Variants in OSBPL11 observed in about 807,000 individuals in gnomAD.
The protein encoded by OSBPL11 is oxysterol binding protein like 11.
Under a neutral mutation model 84.4 loss-of-function variants are expected in OSBPL11, and 33 were observed. The observed-to-expected ratio is 0.39, with a 90% CI of 0.30 to 0.52. The LOEUF is 0.52. OSBPL11 is among the 20% of genes least tolerant of loss of function. The pLI is 0.72. For synonymous variants in OSBPL11, 276 were observed against 310.2 expected (o/e 0.89, Z 1.16); for missense variants, 736 against 901.1 (o/e 0.82, Z 2.35).
At chr3:125,591,745 G>A (rs893405723) in intron 1 of OSBPL11, among the ~76,000 whole-genome samples, 2 of 152,168 alleles carry the variant, frequency 1.3e-5, no homozygotes, top group Non-Finnish European at 2.9e-5. Context: ...TGCAGTAGTA[G>A]ATACACTATC....
At chr3:125,542,001 A>C (rs980427191) in intron 10 of OSBPL11, among the ~76,000 whole-genome samples, 4 of 152,240 alleles carry the variant, frequency 2.6e-5, no homozygotes, top group African/African-American at 9.6e-5. Flanking sequence ...ACTTGACCTG[A>C]GGTCTGACAT....
At chr3:125,577,694 TG>T (rs1442697878) in intron 4 of OSBPL11, among the ~76,000 whole-genome samples, 1 of 152,106 alleles carries the variant, frequency 6.6e-6, no homozygotes, top group Non-Finnish European at 1.5e-5. Flanking sequence ...CCGGGCGTGG[TG>T]GCAGGTGCCT....
chr3:125,539,316 T>C lies in OSBPL11; in HGVS notation c.1842-683A>G, dbSNP rs1369797952. On this transcript the variant is annotated intron_variant, in intron 10 of 12. Coordinates refer to ENST00000296220, the MANE Select transcript of OSBPL11 (RefSeq NM_022776.5). ...CACCACAGCCATATATATATATATA[T>C]ATATATATATATATATATATATATA... Among the ~76,000 whole-genome samples the C allele has an allele frequency of 2.7e-4, 31 of 116,972 alleles. 1 individual carries two copies. The highest frequency in any genetic ancestry group is 2.4e-3 in the Admixed American group (31 of 12,672). 76.7% of individuals were successfully genotyped at this position (116,972 alleles called of 152,430 possible).
At chr3:125,541,958 C>T (rs1413825309) in intron 10 of OSBPL11, among the ~76,000 whole-genome samples, 2 of 152,170 alleles carry the variant, frequency 1.3e-5, no homozygotes, top group African/African-American at 2.4e-5. Flanking sequence ...CCGGTTCTTC[C>T]CAATACTTCT....
At position 125,546,927 on chromosome 3, in the gene OSBPL11, T is replaced by C. The variant is rs771621025; in HGVS notation, c.1841+479A>G. On this transcript the variant is annotated intron_variant, in intron 10 of 12. Coordinates refer to ENST00000296220, the MANE Select transcript of OSBPL11 (RefSeq NM_022776.5). Reference sequence around the variant, plus strand: ...AAAAAAAAAAAATGCATCAATATCATTGACAATAAGAAGTACTGGATCTAG... The same window carrying C: ...AAAAAAAAAAAATGCATCAATATCACTGACAATAAGAAGTACTGGATCTAG... 4.5e-4 allele frequency among the ~76,000 whole-genome samples: 68 copies of C among 152,082 alleles called. 1 individual carries two copies. Among genetic ancestry groups the C allele is most frequent in the African/African-American group, 4.1e-4 (17 of 41,416 alleles).
rs1383398744 is a variant in OSBPL11 at position 125,528,953 on chromosome 3, T to C, written c.*1562A>G. On this transcript the variant is annotated 3_prime_UTR_variant, in exon 13 of 13. Transcript: ENST00000296220. Reference sequence around the variant, plus strand: ...TTTTCAGTGCATTTCACAGCAAAAATGAACAAGGGAATCATTAAAATTGTT... The same window carrying C: ...TTTTCAGTGCATTTCACAGCAAAAACGAACAAGGGAATCATTAAAATTGTT... 3 of 152,646 alleles carry C rather than the reference T, an allele frequency of 2.0e-5. No homozygotes were observed. In the East Asian group the frequency reaches 5.8e-4, roughly 29 times the overall value. The allele number at this position is 152,646 out of a possible 1,614,324, so 9.5% of individuals were successfully genotyped here.
chr3:125,595,065 A>C lies in OSBPL11; in HGVS notation c.-265T>G. On this transcript the variant is annotated 5_prime_UTR_variant, in exon 1 of 13. Coordinates refer to ENST00000296220, the MANE Select transcript of OSBPL11 (RefSeq NM_022776.5). Reference sequence around the variant, plus strand: ...CTTTCCGGCAAAAGCAAGGAGGAAAAAGCATCCGGCGAGAAGACTTAAGTG... The same window carrying C: ...CTTTCCGGCAAAAGCAAGGAGGAAACAGCATCCGGCGAGAAGACTTAAGTG... The C allele has an allele frequency of 2.6e-6, 1 of 381,882 alleles. No homozygotes were observed. Among genetic ancestry groups the C allele is most frequent in the Non-Finnish European group, 4.8e-6 (1 of 208,086 alleles). The allele number at this position is 381,882 out of a possible 1,614,324, so 23.7% of individuals were successfully genotyped here.
intron 5 of OSBPL11, among the ~76,000 whole-genome samples, chr3:125,574,608 A>T (rs1936292847): frequency 6.6e-6 from 1 of 152,086 alleles, no homozygotes; most frequent in Non-Finnish European, 1.5e-5. Flanking sequence ...TGAGGTTATC[A>T]ATTAAAAAAA....
chr3:125,564,220 T>C (rs1439166930), intron 6 of OSBPL11, among the ~76,000 whole-genome samples: 4 of 152,122 alleles, frequency 2.6e-5, no homozygotes, highest in East Asian at 1.9e-4. Context: ...ACAGGAGGAG[T>C]CTGGGACTGT....
At chr3:125,574,535 A>G (rs1936291946) in intron 5 of OSBPL11, among the ~76,000 whole-genome samples, 1 of 151,534 alleles carries the variant, frequency 6.6e-6, no homozygotes, top group South Asian at 2.1e-4. Context: ...AGAATGACAG[A>G]AAGAAACTAT....
chr3:125,580,429 G>A (rs1156672075), intron 2 of OSBPL11, among the ~76,000 whole-genome samples: 1 of 144,088 alleles, frequency 6.9e-6, no homozygotes, highest in Non-Finnish European at 1.5e-5. Flanking sequence ...CAGGAAAATC[G>A]CTTGAATCTG....
chr3:125,531,567 A>T (rs1278367961), intron 12 of OSBPL11, among the ~76,000 whole-genome samples: 2 of 152,096 alleles, frequency 1.3e-5, no homozygotes, highest in Non-Finnish European at 2.9e-5. Flanking sequence ...CTGGGATTAC[A>T]GGCATGAGCC....
chr3:125,594,067 G>A (rs1936643601), intron 1 of OSBPL11, among the ~76,000 whole-genome samples: 1 of 152,216 alleles, frequency 6.6e-6, no homozygotes, highest in South Asian at 2.1e-4. Flanking sequence ...AGTGGCCTGA[G>A]CAACGCAAAC....
At chr3:125,583,489 G>C (rs1374497326) in intron 1 of OSBPL11, among the ~76,000 whole-genome samples, 1 of 147,918 alleles carries the variant, frequency 6.8e-6, no homozygotes, top group Non-Finnish European at 1.5e-5. Context: ...GCTGAGGCAG[G>C]AGAATCACTT....
intron 10 of OSBPL11, among the ~76,000 whole-genome samples, chr3:125,544,926 AAAGT>A (rs1559836677): frequency 6.6e-6 from 1 of 152,356 alleles, no homozygotes; most frequent in Non-Finnish European, 1.5e-5. Context: ...ATTCATCTCT[AAAGT>A]AAGAATAATT....
At chr3:125,581,194 G>A (rs1580061649) in intron 2 of OSBPL11, among the ~76,000 whole-genome samples, 1 of 151,952 alleles carries the variant, frequency 6.6e-6, no homozygotes, top group Middle Eastern at 3.4e-3. Flanking sequence ...CCAGGTTCAA[G>A]CGATTCTCAT....
In OSBPL11 at chr3:125,535,439, CTTTTTTTTTTT is replaced by C. The variant is rs763678488; in HGVS notation, c.2024+3001_2024+3011del. 2.7e-3 allele frequency among the ~76,000 whole-genome samples: 224 copies of C among 84,306 alleles called. 3 individuals carry two copies. Among genetic ancestry groups the C allele is most frequent in the African/African-American group, 9.5e-3 (207 of 21,786 alleles). 55.3% of individuals were successfully genotyped at this position (84,306 alleles called of 152,430 possible). On this transcript the variant is annotated intron_variant, in intron 11 of 12. Coordinates refer to ENST00000296220, the MANE Select transcript of OSBPL11 (RefSeq NM_022776.5). The stretch of plus-strand genomic sequence containing the variant: ...TTTAGCAAATAAAATTCAGAAGCAT[CTTTTTTTTTTT>C]TTTTTTTTTTTTTGAGACAGTCTGG...
intron 1 of OSBPL11, among the ~76,000 whole-genome samples, chr3:125,591,110 T>C (rs16836892): frequency 0.07 from 10,710 of 152,258 alleles, 506 homozygotes; most frequent in African/African-American, 0.14. Flanking sequence ...TTTCCAATAC[T>C]CCATATCTCT....
Position 125,595,420 on chromosome 3 carries a change from T to C in OSBPL11, c.-620A>G, listed in dbSNP as rs1033642236. Among the ~76,000 whole-genome samples, 32 of 152,282 alleles carry C rather than the reference T, an allele frequency of 2.1e-4. No individual in the cohort carries two copies. The highest frequency in any genetic ancestry group is 4.1e-4 in the Non-Finnish European group (28 of 68,004). ...AGCCACTCGGGACAACTTCCTCTTATGCCCCTGGCCCGGGCCCTCGACTGG... is the reference window on the plus strand; with the variant it reads ...AGCCACTCGGGACAACTTCCTCTTACGCCCCTGGCCCGGGCCCTCGACTGG... On this transcript the variant is annotated 5_prime_UTR_variant, in exon 1 of 13. Transcript: ENST00000296220.
Sources: allele counts gnomAD v4.1 joint callset (sites outside exome capture counted in the v4.1 genomes callset), GRCh38; gene constraint gnomAD v4.1.1; transcripts MANE v1.5; gene names NCBI Gene and HGNC (gene_info 2026-07-23, HGNC 2026-07-21).